Variants in MACROD2 observed in about 807,000 individuals in gnomAD.
MACROD2 encodes the protein ADP-ribose glycohydrolase MACROD2.
Under a neutral mutation model 70.4 loss-of-function variants are expected in MACROD2, and 36 were observed. The observed-to-expected ratio is 0.51, with a 90% CI of 0.39 to 0.68. MACROD2 has a LOEUF of 0.68. Ranked by LOEUF, MACROD2 falls within the 30% of genes least tolerant of loss-of-function variation. MACROD2 has a pLI of 0.00. For missense variants in MACROD2, 496 were observed against 538.4 expected (o/e 0.92, Z 0.78); for synonymous variants, 172 against 178.8 (o/e 0.96, Z 0.30).
intron 3 of MACROD2, among the ~76,000 whole-genome samples, chr20:14,394,572 C>T (rs1180445599): frequency 6.6e-6 from 1 of 152,036 alleles, no homozygotes; most frequent in Admixed American, 6.6e-5. Flanking sequence ...CTTTTTTCTG[C>T]CTTTTTTTAG....
chr20:15,904,299 G>A (rs187760579), intron 10 of MACROD2, among the ~76,000 whole-genome samples: 90 of 152,124 alleles, frequency 5.9e-4, no homozygotes, highest in African/African-American at 2.0e-3. Flanking sequence ...GATTACAGGC[G>A]TGAGCAACCG....
intron 7 of MACROD2, among the ~76,000 whole-genome samples, chr20:15,461,909 A>C (rs1012816538): frequency 6.6e-6 from 1 of 152,122 alleles, no homozygotes; most frequent in Non-Finnish European, 1.5e-5. Context: ...CAAGCTGTAG[A>C]CTTCTTTGTG....
intron 4 of MACROD2, among the ~76,000 whole-genome samples, chr20:14,534,154 T>C (rs887070910): frequency 6.6e-6 from 1 of 152,208 alleles, no homozygotes; most frequent in African/African-American, 2.4e-5. Context: ...GAGATCCAGC[T>C]GTGAAAGCCT....
intron 5 of MACROD2, among the ~76,000 whole-genome samples, chr20:15,200,055 GA>G (rs1352656333): frequency 2.4e-5 from 3 of 124,130 alleles, no homozygotes; most frequent in African/African-American, 1.1e-4. Context: ...TTAAAAATAA[GA>G]GGAGAAAAAT....
intron 2 of MACROD2, among the ~76,000 whole-genome samples, chr20:14,036,725 G>A (rs1210097137): frequency 1.3e-5 from 2 of 152,042 alleles, no homozygotes; most frequent in African/African-American, 4.8e-5. Flanking sequence ...GTGCCCTGCC[G>A]CAATCTTGGC....
chr20:14,959,382 A>C (rs892209337), intron 5 of MACROD2, among the ~76,000 whole-genome samples: 5 of 152,096 alleles, frequency 3.3e-5, no homozygotes, highest in Non-Finnish European at 7.4e-5. Context: ...CACCCACCTC[A>C]GCCCCACAAA....
intron 3 of MACROD2, among the ~76,000 whole-genome samples, chr20:14,394,061 G>A (rs2083554910): frequency 6.6e-6 from 1 of 152,144 alleles, no homozygotes. Context: ...TGCTGTTTAA[G>A]TCAACCAATC....
At chr20:14,898,303 G>T (rs1448257951) in intron 5 of MACROD2, among the ~76,000 whole-genome samples, 1 of 152,088 alleles carries the variant, frequency 6.6e-6, no homozygotes, top group Non-Finnish European at 1.5e-5. Flanking sequence ...GACAAAGGAA[G>T]AAAGTTTTAG....
At chr20:16,009,927 A>T (rs1456133214) in intron 15 of MACROD2, among the ~76,000 whole-genome samples, 2 of 152,156 alleles carry the variant, frequency 1.3e-5, no homozygotes, top group East Asian at 3.9e-4. Flanking sequence ...AGAAATTTAG[A>T]TTCTGGCAAA....
At chr20:14,332,742 A>C (rs1487944930) in intron 3 of MACROD2, among the ~76,000 whole-genome samples, 1 of 152,106 alleles carries the variant, frequency 6.6e-6, no homozygotes, top group African/African-American at 2.4e-5. Context: ...TAAAACCTTG[A>C]GACTAAAGAA....
intron 6 of MACROD2, among the ~76,000 whole-genome samples, chr20:15,368,660 C>T (rs924739214): frequency 1.3e-5 from 2 of 151,770 alleles, no homozygotes; most frequent in Non-Finnish European, 2.9e-5. Flanking sequence ...ACAGGGTTTC[C>T]CCATGTTGGC....
At chr20:15,211,430 T>C (rs1053152560) in intron 5 of MACROD2, among the ~76,000 whole-genome samples, 1 of 152,192 alleles carries the variant, frequency 6.6e-6, no homozygotes, top group Non-Finnish European at 1.5e-5. Flanking sequence ...AGATCTCATA[T>C]TGAAATGTAA....
intron 10 of MACROD2, among the ~76,000 whole-genome samples, chr20:15,923,338 T>A (rs2065440557): frequency 6.6e-6 from 1 of 152,200 alleles, no homozygotes; most frequent in African/African-American, 2.4e-5. Flanking sequence ...CAGAAACCCC[T>A]GATAAACCCA....
chr20:15,851,500 G>T (rs78435398), intron 8 of MACROD2, among the ~76,000 whole-genome samples: 1 of 152,018 alleles, frequency 6.6e-6, no homozygotes, highest in Non-Finnish European at 1.5e-5. Context: ...GTGCATGTCC[G>T]TGTCCAAACC....
intron 8 of MACROD2, among the ~76,000 whole-genome samples, chr20:15,556,684 A>T (rs1323252128): frequency 6.6e-6 from 1 of 152,210 alleles, no homozygotes; most frequent in Non-Finnish European, 1.5e-5. Flanking sequence ...TACCAAAAAG[A>T]ATCACTGCCT....
Position 15,829,802 on chromosome 20 carries a change from G to A in MACROD2, c.646-32943G>A, listed in dbSNP as rs183130228. ...TGAATGAAAAATTGCAAAACAATAT[G>A]ATAAGTGTTACAGCTGAGCTATACA... On this transcript the variant is annotated intron_variant, in intron 8 of 17. Coordinates refer to ENST00000684519, the MANE Select transcript of MACROD2 (RefSeq NM_001351661.2). 6.1e-4 allele frequency among the ~76,000 whole-genome samples: 93 copies of A among 152,236 alleles called. 1 individual carries two copies. The highest frequency in any genetic ancestry group is 2.2e-3 in the African/African-American group (91 of 41,552).
At chr20:14,282,794 T>A (rs1272973554) in intron 3 of MACROD2, among the ~76,000 whole-genome samples, 5 of 152,066 alleles carry the variant, frequency 3.3e-5, no homozygotes. Context: ...GCTACACACT[T>A]TTAAATGACC....
At chr20:14,418,451 C>T (rs898119984) in intron 3 of MACROD2, among the ~76,000 whole-genome samples, 1 of 152,160 alleles carries the variant, frequency 6.6e-6, no homozygotes, top group African/African-American at 2.4e-5. Flanking sequence ...ATCTTAGAAT[C>T]TTCCAGTTGA....
At chr20:15,081,352 A>G (rs1247320661) in intron 5 of MACROD2, among the ~76,000 whole-genome samples, 1 of 152,200 alleles carries the variant, frequency 6.6e-6, no homozygotes, top group Non-Finnish European at 1.5e-5. Context: ...AGCTGAAAAT[A>G]TTCACAATCT....
Sources: allele counts gnomAD v4.1 joint callset (sites outside exome capture counted in the v4.1 genomes callset), GRCh38; gene constraint gnomAD v4.1.1; transcripts MANE v1.5; gene names NCBI Gene and HGNC (gene_info 2026-07-23, HGNC 2026-07-21).